Variants in MYO3A observed in about 807,000 individuals in gnomAD.
MYO3A encodes myosin-IIIa.
A neutral mutation model predicts 192.7 loss-of-function variants in MYO3A; 180 were observed. The observed-to-expected ratio is 0.93, with a 90% CI of 0.83 to 1.06. The LOEUF (loss-of-function observed/expected upper bound fraction) is 1.06, where lower values mean the gene tolerates loss of function less well. Among genes scored for constraint, MYO3A ranks in the 50% least tolerant of loss-of-function variants. MYO3A has a pLI of 0.00. For missense variants in MYO3A, 1,896 were observed against 1,905.0 expected, an observed-to-expected ratio of 1.00 and a Z score of 0.09; for synonymous variants, 628 against 645.3, an observed-to-expected ratio of 0.97 and a Z score of 0.41.
rs1036831824 is a variant in MYO3A at position 26,142,337 on chromosome 10, T to A, written c.2263-1111T>A. 5.3e-5 allele frequency among the ~76,000 whole-genome samples: 8 copies of A among 152,316 alleles called. No homozygotes were observed. In the South Asian group the frequency reaches 6.2e-4, roughly 12 times the overall value. On this transcript the variant is annotated intron_variant, in intron 20 of 34. Coordinates refer to ENST00000642920, the MANE Select transcript of MYO3A (RefSeq NM_017433.5). ...CATGTCGTAGTTCAGAGGTCACACA[T>A]GTACTCTGTCTGACAGACTTCAGCA... is the stretch of plus-strand genomic sequence containing the variant.
intron 4 of MYO3A, among the ~76,000 whole-genome samples, chr10:25,975,256 T>G (rs1838900877): frequency 6.6e-6 from 1 of 152,170 alleles, no homozygotes; most frequent in Non-Finnish European, 1.5e-5. Flanking sequence ...GCATGCAGCC[T>G]CAGAAGACTG....
intron 14 of MYO3A, among the ~76,000 whole-genome samples, chr10:26,079,409 C>G (rs977903073): frequency 1.3e-5 from 2 of 152,076 alleles, no homozygotes; most frequent in Admixed American, 6.6e-5. Context: ...AGATGAGTCC[C>G]CTGAATGCAG....
At chr10:26,058,447 C>T (rs1282943318) in intron 10 of MYO3A, among the ~76,000 whole-genome samples, 3 of 152,112 alleles carry the variant, frequency 2.0e-5, no homozygotes, top group East Asian at 1.9e-4. Context: ...CTATAAATAT[C>T]GATGTACAGG....
chr10:25,960,699 A>G (rs772099887), intron 4 of MYO3A, among the ~76,000 whole-genome samples: 6 of 152,168 alleles, frequency 3.9e-5, no homozygotes, highest in Non-Finnish European at 5.9e-5. Context: ...CACATTGAAT[A>G]GTCTGAGGAG....
At chr10:26,073,478 AGAATGGCATGAACCTGGGAGACGT>A (rs1026735935) in intron 14 of MYO3A, among the ~76,000 whole-genome samples, 1 of 151,900 alleles carries the variant, frequency 6.6e-6, no homozygotes, top group Non-Finnish European at 1.5e-5. Flanking sequence ...CTGAGGCAGG[AGAATGGCATGAACCTGGGAGACGT>A]GAATGGCATG....
At chr10:26,100,206 A>G (rs1344430154) in intron 17 of MYO3A, among the ~76,000 whole-genome samples, 1 of 152,054 alleles carries the variant, frequency 6.6e-6, no homozygotes, top group Non-Finnish European at 1.5e-5. Context: ...AGAGGTGTTT[A>G]TATTAATCTG....
intron 3 of MYO3A, among the ~76,000 whole-genome samples, chr10:25,954,236 A>T (rs1280764501): frequency 6.6e-6 from 1 of 152,104 alleles, no homozygotes; most frequent in Non-Finnish European, 1.5e-5. Flanking sequence ...GCTTTCTCTT[A>T]TTTATTGCTG....
intron 6 of MYO3A, among the ~76,000 whole-genome samples, chr10:26,008,780 G>C (rs1214577525): frequency 2.0e-5 from 3 of 151,818 alleles, no homozygotes; most frequent in African/African-American, 7.3e-5. Context: ...ACTGTTGGTG[G>C]GACTGTAGAC....
chr10:26,210,892 C>G (rs1319209186), intron 34 of MYO3A, among the ~76,000 whole-genome samples: 1 of 152,138 alleles, frequency 6.6e-6, no homozygotes, highest in Non-Finnish European at 1.5e-5. Context: ...ATCTGCATGG[C>G]TCACTGTCTT....
rs561003069 is a variant in MYO3A, at chr10:26,133,277, C to T, written c.2262+4739C>T. On this transcript the variant is annotated intron_variant, in intron 20 of 34. Coordinates refer to ENST00000642920, the MANE Select transcript of MYO3A (RefSeq NM_017433.5). Reference sequence around the variant, plus strand: ...TACAACAAATCTTCCTTTTTAAGTGCTTGACCAAGTGTTAGGTTATTAAAT... The same window carrying T: ...TACAACAAATCTTCCTTTTTAAGTGTTTGACCAAGTGTTAGGTTATTAAAT... 8.5e-5 allele frequency among the ~76,000 whole-genome samples: 13 copies of T among 152,306 alleles called. No individual in the cohort carries two copies. The East Asian group carries it at 1.5e-3, about 18-fold the overall frequency.
chr10:26,130,368 C>G (rs1839461456), intron 20 of MYO3A, among the ~76,000 whole-genome samples: 1 of 152,192 alleles, frequency 6.6e-6, no homozygotes, highest in African/African-American at 2.4e-5. Flanking sequence ...GTCTCGGCCT[C>G]CCAAAGTTCT....
intron 14 of MYO3A, among the ~76,000 whole-genome samples, chr10:26,081,650 G>A (rs1835966227): frequency 6.6e-6 from 1 of 152,150 alleles, no homozygotes; most frequent in Non-Finnish European, 1.5e-5. Context: ...TTTACCTCCT[G>A]CTCCTCTGAC....
intron 4 of MYO3A, among the ~76,000 whole-genome samples, chr10:25,996,013 A>T (rs1369501656): frequency 6.6e-6 from 1 of 152,240 alleles, no homozygotes; most frequent in Non-Finnish European, 1.5e-5. Flanking sequence ...TGGGAGGACC[A>T]CTACTCTCTT....
chr10:26,211,762 G>T, intron 34 of MYO3A, 81 bp from the exon 35 acceptor site: 2 of 1,594,418 alleles, frequency 1.3e-6, no homozygotes, highest in Non-Finnish European at 8.6e-7. Flanking sequence ...GGAGGAAGAG[G>T]ACCCGCCTAA....
intron 4 of MYO3A, among the ~76,000 whole-genome samples, chr10:25,979,966 A>G (rs1268602061): frequency 2.6e-5 from 4 of 152,142 alleles, no homozygotes; most frequent in Admixed American, 6.5e-5. Flanking sequence ...GCCGGGCGCA[A>G]TGGCTCACGC....
chr10:26,039,547 G>A (rs147567676), intron 10 of MYO3A, among the ~76,000 whole-genome samples: 8 of 152,052 alleles, frequency 5.3e-5, no homozygotes, highest in African/African-American at 1.9e-4. Context: ...TTTTTATGAC[G>A]GCTTTGATCT....
At chr10:26,166,251 A>G (rs762991754) in intron 27 of MYO3A, 73 bp downstream of exon 27, 2 of 1,273,830 alleles carry the variant, frequency 1.6e-6, no homozygotes, top group African/African-American at 1.5e-5. Flanking sequence ...ACATTTTACA[A>G]TGTTTGAAAG....
At chr10:26,036,364 T>C (rs1358338528) in intron 10 of MYO3A, among the ~76,000 whole-genome samples, 1 of 152,186 alleles carries the variant, frequency 6.6e-6, no homozygotes, top group African/African-American at 2.4e-5. Flanking sequence ...TTTAATGACA[T>C]ATTGATATGG....
intron 10 of MYO3A, among the ~76,000 whole-genome samples, chr10:26,066,298 C>T (rs12785093): frequency 0.47 from 72,004 of 151,672 alleles, 17,854 homozygotes; most frequent in Middle Eastern, 0.59. Context: ...GGGGCAAATC[C>T]AGATACTTAA....
Sources: allele counts gnomAD v4.1 joint callset (sites outside exome capture counted in the v4.1 genomes callset), GRCh38; gene constraint gnomAD v4.1.1; transcripts MANE v1.5; gene names NCBI Gene and HGNC (gene_info 2026-07-23, HGNC 2026-07-21).